DPYD: variants seen among roughly 807,000 people sequenced by gnomAD.
The protein encoded by DPYD is dihydropyrimidine dehydrogenase.
Under a neutral mutation model 116.2 loss-of-function variants are expected in DPYD, and 109 were observed. The observed-to-expected ratio is 0.94, with a 90% confidence interval of 0.80 to 1.10. The LOEUF is 1.10. Ranked by LOEUF, DPYD falls within the 50% of genes least tolerant of loss-of-function variation. The pLI, the probability that DPYD is intolerant of heterozygous loss-of-function variation, is 0.00. For synonymous variants in DPYD, 440 were observed against 432.0 expected (o/e 1.02, Z -0.23); for missense variants, 1,302 against 1,254.5 (o/e 1.04, Z -0.57).
rs1557982481 is a variant in DPYD, at chr1:97,814,930, GAGGAAA to G, written c.233+13178_233+13183del. Among the ~76,000 whole-genome samples, 48 of 109,756 alleles carry G rather than the reference GAGGAAA, an allele frequency of 4.4e-4. 2 individuals carry two copies. The highest frequency in any genetic ancestry group is 1.6e-3 in the African/African-American group (48 of 30,930). 72.0% of individuals were successfully genotyped at this position (109,756 alleles called of 152,430 possible). On this transcript the variant is annotated intron_variant, in intron 3 of 22. Transcript: ENST00000370192. ...AAAAAAAAAAAAAAAAAGAAAGAGA[GAGGAAA>G]GAAAGAAAGAAAGAAAGAAAGGAGA...
chr1:97,684,753 G>T (rs1053126524), intron 7 of DPYD, among the ~76,000 whole-genome samples: 4 of 152,030 alleles, frequency 2.6e-5, no homozygotes, highest in Admixed American at 2.6e-4. Context: ...AGAAGAAATG[G>T]ATAAATTCCT....
chr1:97,360,547 G>A (rs896475468), intron 16 of DPYD, among the ~76,000 whole-genome samples: 5 of 152,052 alleles, frequency 3.3e-5, no homozygotes, highest in African/African-American at 1.2e-4. Context: ...TGACCACATA[G>A]TTGGAAGTAA....
At chr1:97,135,436 T>C (rs1284068674) in intron 20 of DPYD, among the ~76,000 whole-genome samples, 1 of 152,206 alleles carries the variant, frequency 6.6e-6, no homozygotes, top group African/African-American at 2.4e-5. Flanking sequence ...CCAATAAGTT[T>C]ACAGCAAAAC....
chr1:97,734,123 T>C (rs982869737), intron 4 of DPYD, among the ~76,000 whole-genome samples: 1 of 152,078 alleles, frequency 6.6e-6, no homozygotes, highest in Admixed American at 6.5e-5. Flanking sequence ...AAAATGCAGG[T>C]AGTAAAATGT....
intron 1 of DPYD, among the ~76,000 whole-genome samples, chr1:97,916,761 A>C (rs192170520): frequency 5.0e-4 from 76 of 152,214 alleles, no homozygotes; most frequent in African/African-American, 1.6e-3. Context: ...ACTGCCCACA[A>C]CTTTGGTGGG....
chr1:97,473,917 T>TG (rs1677798339), intron 13 of DPYD, among the ~76,000 whole-genome samples: 1 of 146,516 alleles, frequency 6.8e-6, no homozygotes, highest in Non-Finnish European at 1.5e-5. Flanking sequence ...GAGGCTGAGG[T>TG]GGGAGGATCA....
chr1:97,390,776 C>T (rs1672647223), intron 14 of DPYD, among the ~76,000 whole-genome samples: 1 of 151,902 alleles, frequency 6.6e-6, no homozygotes, highest in Admixed American at 6.6e-5. Context: ...TCCAACACAA[C>T]AGGAAACAAC....
At position 97,305,267 on chromosome 1, in the gene DPYD, C is replaced by T. The variant is rs980732943; in HGVS notation, c.2291G>A (p.Gly764Glu). 1.9e-6 allele frequency: 3 copies of T among 1,612,170 alleles called. No individual in the cohort carries two copies. Among genetic ancestry groups the T allele is most frequent in the Non-Finnish European group, 2.5e-6 (3 of 1,178,834 alleles). Residue 764 changes from glycine (G) to glutamate (E), a missense_variant, in exon 18 of 23, where the codon GGA becomes GAA. Gly to Glu is a moderately conservative substitution (Grantham distance 98). Transcript: ENST00000370192. ...VGIAKRTTYG[G>E]VSGTAIRPIA... ...AAGTGGGCAACACCTACCAGACACTCCTCCATATGTAGTTCGCTTTGCAAT... is the reference window on the plus strand; with the variant it reads ...AAGTGGGCAACACCTACCAGACACTTCTCCATATGTAGTTCGCTTTGCAAT...
intron 16 of DPYD, among the ~76,000 whole-genome samples, chr1:97,338,791 G>GA (rs1474630622): frequency 1.3e-5 from 2 of 152,058 alleles, no homozygotes; most frequent in African/African-American, 4.8e-5. Flanking sequence ...CAGTGCTCAA[G>GA]AAAACCTCAA....
intron 8 of DPYD, among the ~76,000 whole-genome samples, chr1:97,612,438 C>T (rs1204565407): frequency 6.6e-6 from 1 of 151,932 alleles, no homozygotes; most frequent in Admixed American, 6.6e-5. Flanking sequence ...ATCCACTGTA[C>T]TCAAATGAAG....
intron 13 of DPYD, among the ~76,000 whole-genome samples, chr1:97,459,090 G>C (rs545409848): frequency 6.6e-6 from 1 of 151,840 alleles, no homozygotes; most frequent in Non-Finnish European, 1.5e-5. Flanking sequence ...AAATACGAGA[G>C]ACTTGAATGT....
chr1:97,817,762 G>C (rs150890959), intron 3 of DPYD, among the ~76,000 whole-genome samples: 3 of 152,080 alleles, frequency 2.0e-5, no homozygotes, highest in African/African-American at 7.2e-5. Context: ...CTTAAGCTTT[G>C]CAACTACATT....
At chr1:97,372,217 A>G (rs568658618) in intron 16 of DPYD, among the ~76,000 whole-genome samples, 2 of 152,334 alleles carry the variant, frequency 1.3e-5, no homozygotes, top group South Asian at 4.1e-4. Flanking sequence ...GTTTCTATCC[A>G]TGTAGCTAAA....
intron 20 of DPYD, among the ~76,000 whole-genome samples, chr1:97,183,277 T>C (rs926759221): frequency 3.9e-5 from 6 of 152,082 alleles, no homozygotes; most frequent in African/African-American, 1.4e-4. Flanking sequence ...TTAAAATTAC[T>C]TTTTTGTCCT....
intron 5 of DPYD, chr1:97,720,189 A>AACAC (rs1023799468): frequency 1.0e-6 from 1 of 965,538 alleles, no homozygotes; most frequent in African/African-American, 1.8e-5. Flanking sequence ...CACACACACA[A>AACAC]ACACACACAC....
At chr1:97,526,278 G>A (rs1207235281) in intron 12 of DPYD, among the ~76,000 whole-genome samples, 2 of 152,098 alleles carry the variant, frequency 1.3e-5, no homozygotes, top group African/African-American at 4.8e-5. Context: ...GATTTTTCGT[G>A]CTTTGTCCTC....
chr1:97,125,956 C>T (rs56130535), intron 20 of DPYD, among the ~76,000 whole-genome samples: 47,225 of 151,892 alleles, frequency 0.31, 7,694 homozygotes, highest in Middle Eastern at 0.42. Flanking sequence ...ATGGTTAATT[C>T]GGTTTAGTTT....
intron 14 of DPYD, among the ~76,000 whole-genome samples, chr1:97,433,718 G>A (rs188373681): frequency 3.7e-4 from 57 of 152,230 alleles, no homozygotes; most frequent in Admixed American, 3.6e-3. Context: ...GGCCTTGGAA[G>A]GTTTTAAGCA....
chr1:97,822,482 A>T (rs1057227990), intron 3 of DPYD, among the ~76,000 whole-genome samples: 1 of 150,844 alleles, frequency 6.6e-6, no homozygotes, highest in East Asian at 1.9e-4. Context: ...ATGGTAGACA[A>T]TTAGTTCCTG....
Sources: gnomAD v4.1 joint callset for allele counts (sites outside exome capture counted in the v4.1 genomes callset) on GRCh38, gnomAD v4.1.1 for gene constraint, MANE v1.5 for transcripts, NCBI Gene and HGNC (gene_info 2026-07-23, HGNC 2026-07-21) for gene names.